NPHP1: variants seen among roughly 807,000 people sequenced by gnomAD.
NPHP1 encodes the protein nephrocystin 1.
In NPHP1, 70 loss-of-function variants were observed where a neutral mutation model predicts 90.4. That is an observed-to-expected ratio of 0.77 (90% CI 0.64 to 0.95). NPHP1 has a LOEUF of 0.95. Ranked by LOEUF, NPHP1 falls within the 40% of genes least tolerant of loss-of-function variation. The pLI is 0.00. For missense variants in NPHP1, 764 were observed against 795.9 expected (o/e 0.96, Z 0.48); for synonymous variants, 256 against 271.7 (o/e 0.94, Z 0.57).
chr2:110,155,045 C>T (rs1681786636), intron 11 of NPHP1, among the ~76,000 whole-genome samples: 1 of 152,066 alleles, frequency 6.6e-6, no homozygotes. Context: ...TTTCATGGGC[C>T]AGGCCGAGGG....
At chr2:110,167,433 G>C (rs1682796683) in intron 6 of NPHP1, among the ~76,000 whole-genome samples, 1 of 152,060 alleles carries the variant, frequency 6.6e-6, no homozygotes, top group Admixed American at 6.6e-5. Context: ...CATGGCTAAT[G>C]AAACCTTCAG....
intron 2 of NPHP1, among the ~76,000 whole-genome samples, chr2:110,186,356 G>A (rs1275347572): frequency 6.6e-6 from 1 of 152,178 alleles, no homozygotes; most frequent in Non-Finnish European, 1.5e-5. Flanking sequence ...GTTGCCTTTT[G>A]CCACTATAGC....
intron 2 of NPHP1, chr2:110,184,855 G>C: frequency 1.4e-6 from 1 of 701,814 alleles, no homozygotes; most frequent in Non-Finnish European, 2.7e-6. Flanking sequence ...GGGCCCCTGA[G>C]CTGCTCTTCA....
intron 2 of NPHP1, among the ~76,000 whole-genome samples, chr2:110,187,233 GGTT>G (rs1684352314): frequency 6.6e-6 from 1 of 151,844 alleles, no homozygotes. Flanking sequence ...TTCAGGAGCT[GGTT>G]TTTTGAAAAA....
At chr2:110,183,656 C>A (rs1046916540) in intron 2 of NPHP1, among the ~76,000 whole-genome samples, 9 of 152,092 alleles carry the variant, frequency 5.9e-5, no homozygotes, top group Admixed American at 5.2e-4. Flanking sequence ...ATTCATACAG[C>A]AAGTTCTTAT....
intron 10 of NPHP1, among the ~76,000 whole-genome samples, chr2:110,160,494 T>C (rs1340691618): frequency 6.6e-6 from 1 of 152,164 alleles, no homozygotes; most frequent in African/African-American, 2.4e-5. Context: ...AAAGCTGTGA[T>C]GAAAGGAACA....
chr2:110,133,367 T>G (rs1249300739), intron 16 of NPHP1, among the ~76,000 whole-genome samples: 2 of 152,112 alleles, frequency 1.3e-5, no homozygotes, highest in East Asian at 3.8e-4. Flanking sequence ...ATTATAAACA[T>G]ATATGCACCA....
intron 2 of NPHP1, chr2:110,184,344 G>T: frequency 1.6e-6 from 1 of 610,872 alleles, no homozygotes; most frequent in Non-Finnish European, 3.1e-6. Context: ...CTATTCTAAG[G>T]ACCAGCTGCA....
chr2:110,141,842 G>A (rs1322937613), intron 16 of NPHP1, among the ~76,000 whole-genome samples: 3 of 151,644 alleles, frequency 2.0e-5, no homozygotes, highest in Non-Finnish European at 2.9e-5. Context: ...GCGTGGTGGC[G>A]GGCGCCTGTA....
intron 2 of NPHP1, among the ~76,000 whole-genome samples, chr2:110,198,760 T>C (rs1685347521): frequency 6.6e-6 from 1 of 151,590 alleles, no homozygotes; most frequent in Non-Finnish European, 1.5e-5. Context: ...ATACAAAATT[T>C]CATTCTTATT....
chr2:110,180,270 C>G (rs1288448914), intron 2 of NPHP1, among the ~76,000 whole-genome samples: 1 of 152,072 alleles, frequency 6.6e-6, no homozygotes, highest in Non-Finnish European at 1.5e-5. Context: ...CTTGTCCAGA[C>G]AGGTCCAGAG....
intron 14 of NPHP1, among the ~76,000 whole-genome samples, chr2:110,146,272 T>C (rs1235241792): frequency 3.0e-4 from 45 of 152,192 alleles, no homozygotes; most frequent in Non-Finnish European, 4.4e-5. Flanking sequence ...AATGATCTTC[T>C]AACTCTTCTG....
chr2:110,140,751 G>A (rs1680561989), intron 16 of NPHP1, among the ~76,000 whole-genome samples: 1 of 152,026 alleles, frequency 6.6e-6, no homozygotes, highest in Admixed American at 6.5e-5. Flanking sequence ...AATTTTCCAA[G>A]GAAAGGCTGG....
chr2:110,124,284 T>C, intron 19 of NPHP1: 1 of 603,776 alleles, frequency 1.7e-6, no homozygotes, highest in South Asian at 1.9e-5. Flanking sequence ...CCTGAGAGCC[T>C]CTACGTGGCT....
chr2:110,204,754 G>A (rs1290656249), intron 1 of NPHP1, 146 bp downstream of exon 1: 2 of 776,448 alleles, frequency 2.6e-6, no homozygotes, highest in Admixed American at 2.0e-5. Flanking sequence ...GAATGTTATG[G>A]GGTAAGGGGG....
At chr2:110,195,112 C>A (rs1407623918) in intron 2 of NPHP1, among the ~76,000 whole-genome samples, 1 of 150,338 alleles carries the variant, frequency 6.7e-6, no homozygotes, top group Non-Finnish European at 1.5e-5. Flanking sequence ...CAGGGATGCC[C>A]TCTCTCACCA....
intron 16 of NPHP1, among the ~76,000 whole-genome samples, chr2:110,136,122 T>A (rs982559714): frequency 1.4e-4 from 22 of 152,008 alleles, no homozygotes; most frequent in Non-Finnish European, 2.6e-4. Context: ...AAATTCAACA[T>A]CCCTTCATGC....
chr2:110,164,352 A>T, intron 8 of NPHP1: 1 of 615,682 alleles, frequency 1.6e-6, no homozygotes, highest in South Asian at 2.0e-5. Context: ...CTTACTTTTT[A>T]TTAAAGGCTT....
intron 16 of NPHP1, among the ~76,000 whole-genome samples, chr2:110,142,515 G>A (rs1680721174): frequency 1.3e-5 from 2 of 150,390 alleles, no homozygotes; most frequent in Admixed American, 6.6e-5. Context: ...ACCATACCCA[G>A]CTAATTTTTT....
Sources: allele counts gnomAD v4.1 joint callset (sites outside exome capture counted in the v4.1 genomes callset), GRCh38; gene constraint gnomAD v4.1.1; transcripts MANE v1.5; gene names NCBI Gene and HGNC (gene_info 2026-07-23, HGNC 2026-07-21).